Variants in CLIC4 observed in about 807,000 individuals in gnomAD.
The protein encoded by CLIC4 is CLIC family member 4, also known as chloride intracellular channel protein 4.
In CLIC4, 13 loss-of-function variants were observed where a neutral mutation model predicts 24.6. The observed-to-expected ratio is 0.53, with a 90% confidence interval of 0.34 to 0.84. The LOEUF (loss-of-function observed/expected upper bound fraction) is 0.84, where lower values mean the gene tolerates loss of function less well. Among genes scored for constraint, CLIC4 ranks in the 40% least tolerant of loss-of-function variants. The pLI, the probability that CLIC4 is intolerant of heterozygous loss-of-function variation, is 0.01. For synonymous variants in CLIC4, 104 were observed against 111.3 expected, an observed-to-expected ratio of 0.93 and a Z score of 0.41; for missense variants, 227 against 301.7, an observed-to-expected ratio of 0.75 and a Z score of 1.83.
chr1:24,761,275 G>T (rs1454026507), intron 1 of CLIC4, among the ~76,000 whole-genome samples: 1 of 151,962 alleles, frequency 6.6e-6, no homozygotes, highest in Non-Finnish European at 1.5e-5. Flanking sequence ...TACTTGGAGA[G>T]GCATATGTTA....
intron 1 of CLIC4, among the ~76,000 whole-genome samples, chr1:24,763,812 A>G (rs1332330817): frequency 6.6e-6 from 1 of 152,144 alleles, no homozygotes; most frequent in Non-Finnish European, 1.5e-5. Flanking sequence ...TTCAAGATTC[A>G]TATTTCATGC....
chr1:24,757,138 G>T (rs1408279557), intron 1 of CLIC4, among the ~76,000 whole-genome samples: 2 of 151,844 alleles, frequency 1.3e-5, no homozygotes, highest in Non-Finnish European at 1.5e-5. Flanking sequence ...CAGGTGATCC[G>T]CCTGCCTCGG....
chr1:24,758,706 C>T (rs1232788943), intron 1 of CLIC4, among the ~76,000 whole-genome samples: 10 of 152,116 alleles, frequency 6.6e-5, no homozygotes, highest in Non-Finnish European at 5.9e-5. Flanking sequence ...GATCTGCCCG[C>T]CTTGGCCTTC....
intron 1 of CLIC4, among the ~76,000 whole-genome samples, chr1:24,770,484 T>C (rs992580697): frequency 3.3e-5 from 5 of 152,160 alleles, no homozygotes; most frequent in African/African-American, 1.2e-4. Context: ...TTTGGATCTG[T>C]TTTTTCCCCC....
chr1:24,778,559 G>GT (rs1460692392), intron 1 of CLIC4, among the ~76,000 whole-genome samples: 6 of 151,826 alleles, frequency 4.0e-5, no homozygotes, highest in Admixed American at 2.6e-4. Context: ...TTGTCATTCA[G>GT]TTTTTTTCCA....
intron 1 of CLIC4, among the ~76,000 whole-genome samples, chr1:24,782,127 A>G (rs1290733269): frequency 6.6e-6 from 1 of 152,226 alleles, no homozygotes; most frequent in Non-Finnish European, 1.5e-5. Context: ...GAATGACTTC[A>G]ATTCACAGTG....
intron 1 of CLIC4, among the ~76,000 whole-genome samples, chr1:24,764,861 T>G (rs1482496739): frequency 2.6e-5 from 4 of 152,192 alleles, no homozygotes; most frequent in Non-Finnish European, 4.4e-5. Flanking sequence ...GTTGTTGTTG[T>G]TGGTTTTTTG....
intron 1 of CLIC4, among the ~76,000 whole-genome samples, chr1:24,780,828 C>G (rs1234891097): frequency 6.6e-6 from 1 of 152,070 alleles, no homozygotes; most frequent in Non-Finnish European, 1.5e-5. Flanking sequence ...TGTCTCATGC[C>G]TGTAATCCCA....
At chr1:24,774,995 C>G (rs2124105637) in intron 1 of CLIC4, among the ~76,000 whole-genome samples, 1 of 150,384 alleles carries the variant, frequency 6.6e-6, no homozygotes, top group South Asian at 2.1e-4. Flanking sequence ...CGCTTGAACC[C>G]AGGACGCACA....
At chr1:24,810,529 A>G (rs996296794) in intron 2 of CLIC4, among the ~76,000 whole-genome samples, 1 of 152,186 alleles carries the variant, frequency 6.6e-6, no homozygotes, top group Non-Finnish European at 1.5e-5. Context: ...TATGTGGGTT[A>G]TATCTACCTA....
At chr1:24,771,150 G>A (rs1639066433) in intron 1 of CLIC4, among the ~76,000 whole-genome samples, 1 of 152,094 alleles carries the variant, frequency 6.6e-6, no homozygotes. Context: ...CACATCTGTG[G>A]CGCATCTTAC....
intron 1 of CLIC4, among the ~76,000 whole-genome samples, chr1:24,749,487 A>G (rs1380669944): frequency 6.6e-6 from 1 of 152,182 alleles, no homozygotes; most frequent in East Asian, 1.9e-4. Context: ...CACCTTCTCA[A>G]ATAGTATGAC....
intron 1 of CLIC4, among the ~76,000 whole-genome samples, chr1:24,768,223 T>C (rs6692599): frequency 0.62 from 93,949 of 152,064 alleles, 30,206 homozygotes; most frequent in Non-Finnish European, 0.71. Context: ...GTAATCCCCT[T>C]GTGGTGGCGT....
intron 1 of CLIC4, 100 bp downstream of exon 1, chr1:24,745,725 C>T: frequency 2.2e-6 from 2 of 903,028 alleles, no homozygotes; most frequent in Non-Finnish European, 3.1e-6. Flanking sequence ...CCCCGCTCGG[C>T]GCCAGCACCC....
At chr1:24,810,174 C>G (rs1052395487) in intron 2 of CLIC4, among the ~76,000 whole-genome samples, 2 of 152,194 alleles carry the variant, frequency 1.3e-5, no homozygotes, top group Admixed American at 1.3e-4. Context: ...GCTCTGATCT[C>G]CTGAAGTTCC....
At position 24,789,004 on chromosome 1, in the gene CLIC4, T is replaced by G. The variant is rs537672505; in HGVS notation, c.73-8738T>G. On this transcript the variant is annotated intron_variant, in intron 1 of 5. Coordinates refer to ENST00000374379, the MANE Select transcript of CLIC4 (RefSeq NM_013943.3). Reference sequence around the variant, plus strand: ...GGGTGGCCTAGACTTCCATCCTCTGTTGGTGGTCTATAAATTTAACCAATC... The same window carrying G: ...GGGTGGCCTAGACTTCCATCCTCTGGTGGTGGTCTATAAATTTAACCAATC... 1.6e-4 allele frequency among the ~76,000 whole-genome samples: 25 copies of G among 152,354 alleles called. No individual in the cohort carries two copies. The South Asian group carries it at 5.0e-3, about 30-fold the overall frequency.
chr1:24,751,193 T>G (rs1381079888), intron 1 of CLIC4, among the ~76,000 whole-genome samples: 1 of 148,292 alleles, frequency 6.7e-6, no homozygotes, highest in African/African-American at 2.5e-5. Context: ...TTTTCTCCAT[T>G]TAATACTTCC....
At chr1:24,757,474 A>G (rs983206589) in intron 1 of CLIC4, among the ~76,000 whole-genome samples, 9 of 152,120 alleles carry the variant, frequency 5.9e-5, no homozygotes, top group Admixed American at 5.2e-4. Context: ...GCGTGGTGGC[A>G]CATGCCTGTA....
At chr1:24,835,485 A>G (rs991364478) in intron 4 of CLIC4, among the ~76,000 whole-genome samples, 4 of 152,196 alleles carry the variant, frequency 2.6e-5, no homozygotes, top group African/African-American at 9.6e-5. Flanking sequence ...GTCACTTGAA[A>G]CTGGGAGGCG....
Sources: allele counts gnomAD v4.1 joint callset (sites outside exome capture counted in the v4.1 genomes callset), GRCh38; gene constraint gnomAD v4.1.1; transcripts MANE v1.5; gene names NCBI Gene and HGNC (gene_info 2026-07-23, HGNC 2026-07-21).